GRM1: variants seen among roughly 807,000 people sequenced by gnomAD.
GRM1 encodes metabotropic glutamate receptor 1.
In GRM1, 33 loss-of-function variants were observed where a neutral mutation model predicts 90.9. The ratio of observed to expected loss-of-function variants is 0.36; its 90% CI spans 0.28 to 0.49. The LOEUF (loss-of-function observed/expected upper bound fraction) is 0.49, where lower values mean the gene tolerates loss of function less well. GRM1 is among the 20% of genes least tolerant of loss of function. The pLI is 0.99. For missense variants in GRM1, 1,190 were observed against 1,534.3 expected, an observed-to-expected ratio of 0.78 and a Z score of 3.75; for synonymous variants, 700 against 613.2, an observed-to-expected ratio of 1.14 and a Z score of -2.09.
intron 1 of GRM1, among the ~76,000 whole-genome samples, chr6:146,055,250 T>G (rs1039401380): frequency 4.9e-4 from 74 of 152,138 alleles, no homozygotes; most frequent in African/African-American, 1.7e-3. Context: ...ATGTGTGTAT[T>G]GCTTCTAGCA....
chr6:146,182,594 C>T (rs529767826), intron 2 of GRM1, among the ~76,000 whole-genome samples: 1 of 152,224 alleles, frequency 6.6e-6, no homozygotes, highest in South Asian at 2.1e-4. Context: ...CATAAATTTG[C>T]CTTAAAATGT....
At chr6:146,426,680 C>A in intron 7 of GRM1, 2 of 1,010,708 alleles carry the variant, frequency 2.0e-6, no homozygotes, top group Non-Finnish European at 3.1e-6. Flanking sequence ...GTGTTTTGCC[C>A]CTTGCTTTCT....
At chr6:146,353,699 G>A (rs1405942868) in intron 4 of GRM1, among the ~76,000 whole-genome samples, 1 of 152,092 alleles carries the variant, frequency 6.6e-6, no homozygotes, top group Non-Finnish European at 1.5e-5. Flanking sequence ...GCACAATCTC[G>A]GCTCACTGCA....
Position 146,375,621 on chromosome 6 carries a change from G to T in GRM1, c.1603-11269G>T, listed in dbSNP as rs552419803. On this transcript the variant is annotated intron_variant, in intron 5 of 7. Transcript: ENST00000282753. Reference sequence around the variant, plus strand: ...TATAAAATTGTTATATTCTCCAGTTGAATTGACCCTTTTATCATTATATAG... The same window carrying T: ...TATAAAATTGTTATATTCTCCAGTTTAATTGACCCTTTTATCATTATATAG... Among the ~76,000 whole-genome samples the T allele has an allele frequency of 2.0e-5, 3 of 151,978 alleles. No individual in the cohort carries two copies. The South Asian group carries it at 6.2e-4, about 32-fold the overall frequency.
intron 7 of GRM1, among the ~76,000 whole-genome samples, chr6:146,404,120 A>G (rs902318976): frequency 1.3e-5 from 2 of 152,162 alleles, no homozygotes; most frequent in Non-Finnish European, 2.9e-5. Flanking sequence ...CACACAATAT[A>G]TAGCTTTAAA....
At chr6:146,209,794 T>G (rs534704247) in intron 2 of GRM1, among the ~76,000 whole-genome samples, 1 of 152,196 alleles carries the variant, frequency 6.6e-6, no homozygotes, top group Non-Finnish European at 1.5e-5. Flanking sequence ...GTGTTACTGA[T>G]GAGTAGTAGA....
intron 1 of GRM1, among the ~76,000 whole-genome samples, chr6:146,155,747 A>C (rs1777504308): frequency 6.6e-6 from 1 of 152,154 alleles, no homozygotes; most frequent in South Asian, 2.1e-4. Context: ...TGAACCTTCC[A>C]ATTTCTCCAA....
intron 1 of GRM1, among the ~76,000 whole-genome samples, chr6:146,157,616 T>A (rs1427800515): frequency 6.6e-6 from 1 of 152,142 alleles, no homozygotes; most frequent in African/African-American, 2.4e-5. Context: ...GGGGTATTTT[T>A]CTTTTTGATT....
chr6:146,434,402 C>T lies in GRM1; in HGVS notation c.3191C>T (p.Ser1064Phe). ...GGTGGTCCCGGGAACGGGCTGCGGTCCCTGTACCCGCCCCCGCCACCTCCG... is the reference window on the plus strand; with the variant it reads ...GGTGGTCCCGGGAACGGGCTGCGGTTCCTGTACCCGCCCCCGCCACCTCCG... ...GPGGPGNGLRSLYPPPPPPQH... is the reference protein window; with the variant it reads ...GPGGPGNGLRFLYPPPPPPQH... Residue 1064 changes from serine (S) to phenylalanine (F), a missense_variant, in exon 8 of 8, where the codon TCC becomes TTC. Physicochemically the swap from Ser to Phe is radical, Grantham distance 155. Coordinates refer to ENST00000282753, the MANE Select transcript of GRM1 (RefSeq NM_001278064.2). The T allele has an allele frequency of 6.2e-7, 1 of 1,613,480 alleles. No individual in the cohort carries two copies. The highest frequency in any genetic ancestry group is 8.5e-7 in the Non-Finnish European group (1 of 1,179,790).
At chr6:146,073,824 A>T (rs1776094568) in intron 1 of GRM1, among the ~76,000 whole-genome samples, 1 of 152,192 alleles carries the variant, frequency 6.6e-6, no homozygotes, top group Non-Finnish European at 1.5e-5. Context: ...AAATTCTGGA[A>T]TTGCATTGTG....
At chr6:146,167,428 G>T (rs1777949016) in intron 2 of GRM1, among the ~76,000 whole-genome samples, 1 of 152,134 alleles carries the variant, frequency 6.6e-6, no homozygotes, top group Non-Finnish European at 1.5e-5. Flanking sequence ...TGGGTCATAA[G>T]TGTGTGTTTA....
chr6:146,183,605 G>A (rs1778624505), intron 2 of GRM1, among the ~76,000 whole-genome samples: 6 of 152,018 alleles, frequency 3.9e-5, no homozygotes, highest in Admixed American at 3.9e-4. Flanking sequence ...ATAAAAAGAC[G>A]GCCAGAATAG....
chr6:146,140,250 T>C (rs57009720), intron 1 of GRM1, among the ~76,000 whole-genome samples: 7,826 of 150,390 alleles, frequency 0.052, 685 homozygotes, highest in African/African-American at 0.18. Context: ...TTTTTATTTT[T>C]TGTATCCGTA....
Position 146,029,669 on chromosome 6 carries a change from TC to T in GRM1, c.153del (p.Ser52GlnfsTer76), listed in dbSNP as rs778385736. 6.2e-7 allele frequency: 1 copy of T among 1,614,070 alleles called. No individual in the cohort carries two copies. The highest frequency in any genetic ancestry group is 8.5e-7 in the Non-Finnish European group (1 of 1,180,020). On this transcript the variant is annotated frameshift_variant, in exon 1 of 8. Coordinates refer to ENST00000282753, the MANE Select transcript of GRM1 (RefSeq NM_001278064.2). LOFTEE classifies it high-confidence loss of function. ...GGAGATGTCATCATTGGAGCCCTCT[TC>T]TCAGTCCATCACCAGCCTCCGGCCG... The part of the protein sequence containing the change: ...MDGDVIIGAL[F>X]SVHHQPPAEK...
rs115401794 is a variant in GRM1 at position 146,336,532 on chromosome 6, G to A, written c.1187-15718G>A. Among the ~76,000 whole-genome samples the A allele has an allele frequency of 1.8e-3, 271 of 152,242 alleles. 1 individual carries two copies. The highest frequency in any genetic ancestry group is 6.3e-3 in the African/African-American group (260 of 41,562). On this transcript the variant is annotated intron_variant, in intron 3 of 7. Coordinates refer to ENST00000282753, the MANE Select transcript of GRM1 (RefSeq NM_001278064.2). ...CTTCCTGATGAGGCATTTCCTGTTCGCCTGAGAGCAATTCCTCACAGAAGA... is the reference window on the plus strand; with the variant it reads ...CTTCCTGATGAGGCATTTCCTGTTCACCTGAGAGCAATTCCTCACAGAAGA...
At chr6:146,092,141 G>A (rs926452786) in intron 1 of GRM1, among the ~76,000 whole-genome samples, 1 of 152,080 alleles carries the variant, frequency 6.6e-6, no homozygotes, top group African/African-American at 2.4e-5. Context: ...TAGAGGCTAG[G>A]AATTCCAAGA....
chr6:146,152,581 T>G (rs2128888831), intron 1 of GRM1, among the ~76,000 whole-genome samples: 1 of 152,212 alleles, frequency 6.6e-6, no homozygotes, highest in East Asian at 1.9e-4. Flanking sequence ...GTTACTTAAC[T>G]TCTTTGAGCT....
intron 2 of GRM1, among the ~76,000 whole-genome samples, chr6:146,205,767 G>C (rs184080127): frequency 1.1e-3 from 163 of 152,162 alleles, no homozygotes; most frequent in African/African-American, 3.4e-3. Flanking sequence ...TTTTCTGAAG[G>C]CAAGCTGAGA....
chr6:146,390,551 C>T (rs1776678596), intron 6 of GRM1, among the ~76,000 whole-genome samples: 1 of 151,530 alleles, frequency 6.6e-6, no homozygotes, highest in Admixed American at 6.6e-5. Context: ...TAAGAATATT[C>T]CTCAAAAAGA....
Sources: allele counts gnomAD v4.1 joint callset (sites outside exome capture counted in the v4.1 genomes callset), GRCh38; gene constraint gnomAD v4.1.1; transcripts MANE v1.5; gene names NCBI Gene and HGNC (gene_info 2026-07-23, HGNC 2026-07-21).